The following SRGAP3 variants were observed in gnomAD, a reference collection of about 807,000 sequenced individuals.
SRGAP3 encodes the protein SLIT-ROBO Rho GTPase activating protein 3.
In SRGAP3, 39 loss-of-function variants were observed where a neutral mutation model predicts 121.1. That is an observed-to-expected ratio of 0.32 (90% confidence interval 0.25 to 0.42). The LOEUF is 0.42. SRGAP3 is among the 10% of genes least tolerant of loss of function. The pLI is 1.00. For synonymous variants in SRGAP3, 601 were observed against 570.0 expected, an observed-to-expected ratio of 1.05 and a Z score of -0.77; for missense variants, 1,213 against 1,470.6, an observed-to-expected ratio of 0.82 and a Z score of 2.86.
intron 1 of SRGAP3, among the ~76,000 whole-genome samples, chr3:9,338,843 T>C (rs368306869): frequency 6.6e-6 from 1 of 152,338 alleles, no homozygotes; most frequent in East Asian, 1.9e-4. Context: ...TCTCATTACA[T>C]GCCAAACCAA....
intron 1 of SRGAP3, among the ~76,000 whole-genome samples, chr3:9,167,171 T>A (rs1304619694): frequency 6.6e-6 from 1 of 152,108 alleles, no homozygotes; most frequent in Non-Finnish European, 1.5e-5. Flanking sequence ...AGGGGGAGGA[T>A]TGATCCTCCA....
At chr3:9,197,298 G>A (rs942830012) in intron 1 of SRGAP3, among the ~76,000 whole-genome samples, 1 of 152,208 alleles carries the variant, frequency 6.6e-6, no homozygotes, top group African/African-American at 2.4e-5. Context: ...TGTCAAAGAG[G>A]TGGCCCGTTT....
chr3:9,044,370 T>A (rs1354168068), intron 10 of SRGAP3, among the ~76,000 whole-genome samples: 1 of 151,856 alleles, frequency 6.6e-6, no homozygotes, highest in Admixed American at 6.6e-5. Context: ...ATATCCAGAG[T>A]GGATATGCAG....
At chr3:8,989,296 G>C (rs544629691) in intron 21 of SRGAP3, among the ~76,000 whole-genome samples, 65 of 152,296 alleles carry the variant, frequency 4.3e-4, no homozygotes, top group African/African-American at 1.5e-3. Context: ...CTCAAGTATG[G>C]GGGGGACCAG....
intron 1 of SRGAP3, among the ~76,000 whole-genome samples, chr3:9,165,249 TG>T (rs1950744657): frequency 6.6e-6 from 1 of 152,232 alleles, no homozygotes; most frequent in African/African-American, 2.4e-5. Context: ...AGAGCCATGC[TG>T]GAGCGAGATG....
intron 1 of SRGAP3, among the ~76,000 whole-genome samples, chr3:9,235,307 G>A (rs1953366935): frequency 6.6e-6 from 1 of 152,034 alleles, no homozygotes; most frequent in South Asian, 2.1e-4. Context: ...ATTATACACA[G>A]ATATAAAACA....
intron 1 of SRGAP3, among the ~76,000 whole-genome samples, chr3:9,197,312 A>G (rs999329419): frequency 1.3e-5 from 2 of 152,214 alleles, no homozygotes; most frequent in African/African-American, 4.8e-5. Flanking sequence ...CCCGTTTTCC[A>G]AACTAAAATC....
chr3:9,327,807 T>G (rs979024287), intron 2 of SRGAP3, among the ~76,000 whole-genome samples: 1 of 152,258 alleles, frequency 6.6e-6, no homozygotes, highest in Non-Finnish European at 1.5e-5. Flanking sequence ...CTTTCATGAC[T>G]TACACAGACC....
intron 1 of SRGAP3, among the ~76,000 whole-genome samples, chr3:9,178,842 A>G (rs1951276957): frequency 6.6e-6 from 1 of 152,144 alleles, no homozygotes; most frequent in African/African-American, 2.4e-5. Context: ...CTAGACCCGG[A>G]GATGTCTCTG....
chr3:9,073,321 T>A (rs1946807841), intron 4 of SRGAP3, among the ~76,000 whole-genome samples: 1 of 152,152 alleles, frequency 6.6e-6, no homozygotes, highest in African/African-American at 2.4e-5. Flanking sequence ...TTTTTTGTAT[T>A]TTTTGTAGAG....
chr3:9,017,848 T>C (rs1408905482), intron 14 of SRGAP3, among the ~76,000 whole-genome samples: 2 of 152,254 alleles, frequency 1.3e-5, no homozygotes, highest in Non-Finnish European at 2.9e-5. Context: ...GTCATTTCTA[T>C]GTGTTGGTAT....
intron 1 of SRGAP3, among the ~76,000 whole-genome samples, chr3:9,148,332 A>C (rs1310311321): frequency 6.6e-6 from 1 of 152,192 alleles, no homozygotes; most frequent in Non-Finnish European, 1.5e-5. Flanking sequence ...TGTGTGCTAC[A>C]AGCACCAGCA....
chr3:9,028,156 C>A, intron 12 of SRGAP3: 2 of 1,614,028 alleles, frequency 1.2e-6, no homozygotes, highest in Non-Finnish European at 8.5e-7. Context: ...AAACAGGCAG[C>A]AGAGCAGGAG....
chr3:9,031,822 A>C (rs1378171340), intron 12 of SRGAP3, among the ~76,000 whole-genome samples: 1 of 152,226 alleles, frequency 6.6e-6, no homozygotes, highest in Admixed American at 6.5e-5. Context: ...ATTAGAAGGT[A>C]GTGGGCTCTC....
At chr3:9,101,005 C>T (rs1373792081) in intron 3 of SRGAP3, among the ~76,000 whole-genome samples, 1 of 152,220 alleles carries the variant, frequency 6.6e-6, no homozygotes, top group East Asian at 1.9e-4. Context: ...CTTCAAGCAA[C>T]TGACAGGTTT....
At position 8,990,764 on chromosome 3, in the gene SRGAP3, G is replaced by T. The variant is rs984806535; in HGVS notation, c.2634C>A (p.Gly878=). Residue 878 remains glycine, a synonymous_variant, in exon 21 of 22, where the codon GGC becomes GGA. Coordinates refer to ENST00000383836, the MANE Select transcript of SRGAP3 (RefSeq NM_014850.4). ...GTGGTGTGTCTATGCTGGGGCCCAG[G>T]CCCCGGGGCGGGCTGTGTGTGTCGC... ...SGGDTHSPPR[G]LGPSIDTPPR... The T allele has an allele frequency of 8.7e-6, 14 of 1,603,932 alleles. No homozygotes were observed. Among genetic ancestry groups the T allele is most frequent in the East Asian group, 4.5e-5 (2 of 44,662 alleles).
intron 2 of SRGAP3, among the ~76,000 whole-genome samples, chr3:9,112,594 G>T (rs549127815): frequency 6.6e-6 from 1 of 152,320 alleles, no homozygotes; most frequent in Admixed American, 6.5e-5. Flanking sequence ...ATGGAGCCTG[G>T]AGAGTCTTTA....
At chr3:9,184,760 A>T (rs568371547) in intron 1 of SRGAP3, among the ~76,000 whole-genome samples, 19 of 152,180 alleles carry the variant, frequency 1.2e-4, no homozygotes, top group African/African-American at 4.6e-4. Flanking sequence ...GAGAAGAGGG[A>T]GGTTATCCAG....
chr3:9,203,688 T>A (rs547546362), intron 1 of SRGAP3, among the ~76,000 whole-genome samples: 6 of 152,220 alleles, frequency 3.9e-5, no homozygotes, highest in African/African-American at 7.2e-5. Context: ...GTTTATTCAA[T>A]ATTGTATGCC....
Sources: allele counts gnomAD v4.1 joint callset (sites outside exome capture counted in the v4.1 genomes callset), GRCh38; gene constraint gnomAD v4.1.1; transcripts MANE v1.5; gene names NCBI Gene and HGNC (gene_info 2026-07-23, HGNC 2026-07-21).